The following SLIT3 variants were observed in gnomAD, a reference collection of about 807,000 sequenced individuals.
SLIT3 encodes the protein slit homolog 3 protein.
SLIT3 carries 68 observed loss-of-function variants against 184.0 expected under a neutral mutation model. That is an observed-to-expected ratio of 0.37 (90% CI 0.30 to 0.45). SLIT3 has a LOEUF of 0.45. SLIT3 is among the 20% of genes least tolerant of loss of function. The pLI is 1.00. For synonymous variants in SLIT3, 831 were observed against 828.6 expected (o/e 1.00, Z -0.05); for missense variants, 1,707 against 2,026.0 (o/e 0.84, Z 3.02).
intron 4 of SLIT3, chr5:169,012,792 A>T (rs1756204839): frequency 6.6e-6 from 1 of 152,180 alleles, no homozygotes; most frequent in South Asian, 2.1e-4. Context: ...AGCTTACATG[A>T]AGAGGCAGTG....
intron 32 of SLIT3, among the ~76,000 whole-genome samples, chr5:168,679,850 TG>T (rs1319340067): frequency 1.3e-5 from 2 of 152,208 alleles, no homozygotes; most frequent in African/African-American, 4.8e-5. Flanking sequence ...TGCCACTTAC[TG>T]GGCTTCTAAT....
chr5:169,292,324 T>C (rs1767384905), intron 1 of SLIT3, among the ~76,000 whole-genome samples: 1 of 152,174 alleles, frequency 6.6e-6, no homozygotes, highest in Non-Finnish European at 1.5e-5. Context: ...TGGTGAGACT[T>C]GTGGTACTAG....
intron 14 of SLIT3, among the ~76,000 whole-genome samples, chr5:168,763,437 G>A (rs539781662): frequency 2.6e-5 from 4 of 152,090 alleles, no homozygotes; most frequent in African/African-American, 4.8e-5. Flanking sequence ...TTAAAATGCC[G>A]CGAGGACGAG....
rs938458583 is a variant in SLIT3 at position 168,964,134 on chromosome 5, C to A, written c.414-80798G>T. ...TTTCCTCCAAGCAGGCAAACACTTC[C>A]TGCTGATAAATGGTGAGCATTTGTG... is the stretch of plus-strand genomic sequence containing the variant. On this transcript the variant is annotated intron_variant, in intron 4 of 35. Transcript: ENST00000519560. Among the ~76,000 whole-genome samples, 3 of 152,210 alleles carry A rather than the reference C, an allele frequency of 2.0e-5. No homozygotes were observed. The East Asian group carries it at 5.8e-4, about 29-fold the overall frequency.
chr5:168,742,673 A>G (rs1763671564), intron 20 of SLIT3, among the ~76,000 whole-genome samples: 1 of 137,538 alleles, frequency 7.3e-6, no homozygotes, highest in Non-Finnish European at 1.5e-5. Flanking sequence ...AACCACTGGC[A>G]TCTGGTCTTT....
intron 4 of SLIT3, among the ~76,000 whole-genome samples, chr5:169,103,503 C>T (rs1760092914): frequency 6.6e-6 from 1 of 152,220 alleles, no homozygotes; most frequent in African/African-American, 2.4e-5. Context: ...AAGCAAGTGG[C>T]TGTCAGGTCC....
At chr5:169,253,354 TCAAAGCACA>T (rs527679077) in intron 1 of SLIT3, among the ~76,000 whole-genome samples, 44 of 152,296 alleles carry the variant, frequency 2.9e-4, no homozygotes, top group Middle Eastern at 3.4e-3. Context: ...ATTTATTATG[TCAAAGCACA>T]CAAAGTGCAC....
At chr5:168,908,343 TA>T (rs898451215) in intron 4 of SLIT3, among the ~76,000 whole-genome samples, 4 of 152,096 alleles carry the variant, frequency 2.6e-5, no homozygotes, top group Admixed American at 1.3e-4. Context: ...TGCCCTCTCC[TA>T]ATCTGTCTGA....
In SLIT3 at chr5:168,817,395, C is replaced by T. The variant is rs151091745; in HGVS notation, c.698G>A (p.Arg233Gln). 2.2e-5 allele frequency: 36 copies of T among 1,614,082 alleles called. No homozygotes were observed. The East Asian group carries it at 2.7e-4, about 12-fold the overall frequency. ...GAGTGTGAACTGGCCAACTGTCCGT[C>T]GCTGTCGCAGCCAATCCGAGAGCCA... is the stretch of plus-strand genomic sequence containing the variant. ...LAWLSDWLRQ[R>Q]RTVGQFTLCM... The change falls in exon 8 of 36, where the codon CGA (arginine) becomes CAA (glutamine). Residue 233 changes from arginine (R) to glutamine (Q), a missense_variant. By Grantham distance (43) the Arg-to-Gln change is conservative (BLOSUM62 1). This residue lies in a region of SLIT3 where 1,307 missense variants were observed against 1,511.6 expected (regional missense o/e 0.86). Coordinates refer to ENST00000519560, the MANE Select transcript of SLIT3 (RefSeq NM_003062.4).
chr5:169,288,246 T>C (rs1767224887), intron 1 of SLIT3, among the ~76,000 whole-genome samples: 1 of 152,168 alleles, frequency 6.6e-6, no homozygotes, highest in South Asian at 2.1e-4. Context: ...TACACAGAGT[T>C]AGAACTCTAA....
chr5:168,755,392 T>TATTTCTTTCTTTCCTTCCTTCCTTC lies in SLIT3; in HGVS notation c.1686-1386_1686-1385insGAAGGAAGGAAGGAAAGAAAGAAAT, dbSNP rs1561913217. 7.1e-4 allele frequency among the ~76,000 whole-genome samples: 6 copies of TATTTCTTTCTTTCCTTCCTTCCTTC among 8,504 alleles called. No homozygotes were observed. In the East Asian group the frequency reaches 0.014, roughly 20 times the overall value. 5.6% of individuals were successfully genotyped at this position (8,504 alleles called of 152,430 possible). ...CTATCAAACCCTCAGTGCCGCCATT[T>TATTTCTTTCTTTCCTTCCTTCCTTC]CTTTCTTTCTTTCTTTCTTTCTTTC... On this transcript the variant is annotated intron_variant, in intron 16 of 35. Transcript: ENST00000519560.
intron 5 of SLIT3, among the ~76,000 whole-genome samples, chr5:168,869,737 A>G (rs1233985434): frequency 1.3e-5 from 2 of 152,234 alleles, no homozygotes; most frequent in African/African-American, 4.8e-5. Flanking sequence ...TGGAACTGCT[A>G]CTGGACCATG....
chr5:168,907,925 TTATATATATATTATACGTGTA>T (rs1216766672), intron 4 of SLIT3, among the ~76,000 whole-genome samples: 1 of 126,102 alleles, frequency 7.9e-6, no homozygotes, highest in East Asian at 2.6e-4. Context: ...TATATCTATT[TTATATATATATTATACGTGTA>T]TATATATATA....
intron 5 of SLIT3, among the ~76,000 whole-genome samples, chr5:168,882,678 C>T (rs908219563): frequency 5.9e-5 from 9 of 152,020 alleles, no homozygotes; most frequent in Middle Eastern, 3.4e-3. Flanking sequence ...TTTGAAACTT[C>T]CTGCGAATCA....
intron 5 of SLIT3, among the ~76,000 whole-genome samples, chr5:168,862,655 G>T (rs969168579): frequency 2.0e-5 from 3 of 149,400 alleles, no homozygotes; most frequent in African/African-American, 7.6e-5. Flanking sequence ...TAGAACATTG[G>T]TTTTTTTGTT....
intron 4 of SLIT3, among the ~76,000 whole-genome samples, chr5:168,892,966 G>A (rs1561991748): frequency 1.3e-5 from 2 of 152,326 alleles, no homozygotes; most frequent in Non-Finnish European, 2.9e-5. Flanking sequence ...GTGTCACTAA[G>A]TGGTCCAGGA....
At chr5:169,193,914 A>G (rs2113471350) in intron 3 of SLIT3, among the ~76,000 whole-genome samples, 1 of 152,278 alleles carries the variant, frequency 6.6e-6, no homozygotes, top group Admixed American at 6.5e-5. Flanking sequence ...CTGAGTGATG[A>G]AACTGGCATG....
At chr5:168,682,490 A>G (rs557246578) in intron 32 of SLIT3, among the ~76,000 whole-genome samples, 6 of 152,236 alleles carry the variant, frequency 3.9e-5, no homozygotes, top group African/African-American at 1.4e-4. Flanking sequence ...AGAGTCTGAA[A>G]ATGTGTATTT....
chr5:169,260,366 C>T lies in SLIT3; in HGVS notation c.198-8907G>A, dbSNP rs143397451. ...CTTTCCACCTGAATGGGCCACATCA[C>T]AGAAAGGGCAAGGTTCTGTGCTTTT... On this transcript the variant is annotated intron_variant, in intron 1 of 35. Coordinates refer to ENST00000519560, the MANE Select transcript of SLIT3 (RefSeq NM_003062.4). Among the ~76,000 whole-genome samples, 416 of 152,254 alleles carry T rather than the reference C, an allele frequency of 2.7e-3. 6 individuals carry two copies. Among genetic ancestry groups the T allele is most frequent in the Middle Eastern group, 3.4e-3 (1 of 294 alleles).
Sources: allele counts gnomAD v4.1 joint callset (sites outside exome capture counted in the v4.1 genomes callset), GRCh38; gene constraint gnomAD v4.1.1; regional missense constraint gnomAD v4.1.1; transcripts MANE v1.5; gene names NCBI Gene and HGNC (gene_info 2026-07-23, HGNC 2026-07-21).